GNG4: variants seen among roughly 807,000 people sequenced by gnomAD.
GNG4 encodes the protein G protein subunit gamma 4.
In GNG4, 4 loss-of-function variants were observed where a neutral mutation model predicts 5.8. The observed-to-expected ratio is 0.69, with a 90% CI of 0.34 to 1.57. The LOEUF (loss-of-function observed/expected upper bound fraction) is 1.57, where lower values mean the gene tolerates loss of function less well. GNG4 is among the 40% of genes most tolerant of loss of function. GNG4 has a pLI of 0.06. For missense variants in GNG4, 96 were observed against 95.1 expected, an observed-to-expected ratio of 1.01 and a Z score of -0.04; for synonymous variants, 29 against 32.9, an observed-to-expected ratio of 0.88 and a Z score of 0.41.
chr1:235,599,753 A>G (rs927434408), intron 1 of GNG4, among the ~76,000 whole-genome samples: 12 of 152,194 alleles, frequency 7.9e-5, no homozygotes, highest in African/African-American at 2.4e-4. Context: ...GTCAGTCATA[A>G]CAGTGGTGGA....
chr1:235,570,862 A>ATATATGTGTGTG lies in GNG4; in HGVS notation c.99+12877_99+12878insCACACACATATA, dbSNP rs143958257. ...CATATCCAGCTAATTATATATATAT[A>ATATATGTGTGTG]TGTGTGTGTGTGTGTGTGTATATGT... is the stretch of plus-strand genomic sequence containing the variant. On this transcript the variant is annotated intron_variant, in intron 3 of 3. Coordinates refer to ENST00000391854, the MANE Select transcript of GNG4 (RefSeq NM_001098722.2). 6.7e-3 allele frequency among the ~76,000 whole-genome samples: 954 copies of ATATATGTGTGTG among 141,556 alleles called. 9 individuals are homozygous for ATATATGTGTGTG. Among genetic ancestry groups the ATATATGTGTGTG allele is most frequent in the African/African-American group, 0.021 (787 of 38,016 alleles). 92.9% of individuals were successfully genotyped at this position (141,556 alleles called of 152,430 possible). A position where few individuals can be genotyped will look rare whatever the true frequency, so the allele number is the denominator to read the frequency against.
intron 3 of GNG4, among the ~76,000 whole-genome samples, chr1:235,572,493 CTCT>C (rs1687370709): frequency 8.0e-6 from 1 of 125,344 alleles, no homozygotes; most frequent in African/African-American, 3.5e-5. Flanking sequence ...AGCCACCGTG[CTCT>C]TTTTTTTTTT....
intron 2 of GNG4, among the ~76,000 whole-genome samples, chr1:235,589,720 T>C (rs1397503202): frequency 6.6e-6 from 1 of 152,182 alleles, no homozygotes; most frequent in Non-Finnish European, 1.5e-5. Context: ...GGGAGAAAGC[T>C]CTGTCTTTGG....
chr1:235,561,131 T>C (rs1230189304), intron 3 of GNG4, among the ~76,000 whole-genome samples: 2 of 152,192 alleles, frequency 1.3e-5, no homozygotes, highest in Admixed American at 1.3e-4. Context: ...TGCCTCAGCC[T>C]CCCGAGTAGC....
chr1:235,605,421 C>T (rs564037587), intron 1 of GNG4, among the ~76,000 whole-genome samples: 6 of 152,170 alleles, frequency 3.9e-5, no homozygotes, highest in East Asian at 1.9e-4. Context: ...GTGGTCCGCC[C>T]GCCTTGGCCT....
chr1:235,608,060 C>T (rs1290969361), intron 1 of GNG4, among the ~76,000 whole-genome samples: 4 of 151,880 alleles, frequency 2.6e-5, no homozygotes, highest in African/African-American at 4.8e-5. Flanking sequence ...TCCTGAGCCT[C>T]CTGAGTTGCT....
intron 1 of GNG4, among the ~76,000 whole-genome samples, chr1:235,595,747 G>T (rs556655807): frequency 6.6e-6 from 1 of 152,154 alleles, no homozygotes; most frequent in Non-Finnish European, 1.5e-5. Context: ...AGGCCACCCC[G>T]GGCCTCACCA....
Position 235,642,461 on chromosome 1 carries a change from G to A in GNG4, c.-123+7201C>T, listed in dbSNP as rs578129767. Reference sequence around the variant, plus strand: ...CAAGAGACGGGTGCTAACAGCGTCCGAGCCAATCCGTAAGCATCAGAGGGA... The same window carrying A: ...CAAGAGACGGGTGCTAACAGCGTCCAAGCCAATCCGTAAGCATCAGAGGGA... On this transcript the variant is annotated intron_variant, in intron 1 of 3. Transcript: ENST00000391854. This position sits in a 1 kb window ranked among gnomAD's most constrained non-coding sequence, Gnocchi z 4.3. 8.6e-4 allele frequency among the ~76,000 whole-genome samples: 131 copies of A among 152,290 alleles called. 1 individual carries two copies. The highest frequency in any genetic ancestry group is 3.4e-3 in the Middle Eastern group (1 of 294).
At chr1:235,570,858 A>ATGTGTGTGTG (rs1198419579) in intron 3 of GNG4, among the ~76,000 whole-genome samples, 4 of 53,004 alleles carry the variant, frequency 7.5e-5, no homozygotes, top group African/African-American at 5.5e-4. Flanking sequence ...AATTATATAT[A>ATGTGTGTGTG]TATATGTGTG....
chr1:235,604,199 A>G (rs1688310235), intron 1 of GNG4, among the ~76,000 whole-genome samples: 1 of 152,228 alleles, frequency 6.6e-6, no homozygotes, highest in South Asian at 2.1e-4. Context: ...GTATGGAGGA[A>G]CACAAACCTG....
At chr1:235,629,886 C>T (rs1688897838) in intron 1 of GNG4, among the ~76,000 whole-genome samples, 1 of 152,204 alleles carries the variant, frequency 6.6e-6, no homozygotes, top group Non-Finnish European at 1.5e-5. Flanking sequence ...GCCACCATGC[C>T]TGGCTCAAAG....
chr1:235,638,990 G>T (rs1476888815), intron 1 of GNG4, among the ~76,000 whole-genome samples: 1 of 152,100 alleles, frequency 6.6e-6, no homozygotes, highest in Non-Finnish European at 1.5e-5. Context: ...CTTTATAGTA[G>T]AATTATTTAT....
intron 3 of GNG4, among the ~76,000 whole-genome samples, chr1:235,573,835 T>C (rs1442301980): frequency 1.3e-5 from 2 of 152,056 alleles, no homozygotes; most frequent in Admixed American, 1.3e-4. Flanking sequence ...TGTCTAAGGA[T>C]AGGAGACTGG....
intron 1 of GNG4, among the ~76,000 whole-genome samples, chr1:235,610,490 T>C (rs61834596): frequency 0.034 from 5,242 of 152,340 alleles, 137 homozygotes; most frequent in Non-Finnish European, 0.054. Flanking sequence ...TTTCAATATA[T>C]TCAATTATTG....
In GNG4 at chr1:235,649,436, G is replaced by A. The variant is rs945535612; in HGVS notation, c.-123+226C>T. On this transcript the variant is annotated intron_variant, in intron 1 of 3. Coordinates refer to ENST00000391854, the MANE Select transcript of GNG4 (RefSeq NM_001098722.2). The surrounding 1 kb of genome is among the most constrained non-coding windows in gnomAD (Gnocchi z 5.7). ...CCGAGGGGGCTGTCCACACCCGCGC[G>A]CGGGCTTCCCCGGGGCCCGGCGGGA... 1.3e-5 allele frequency among the ~76,000 whole-genome samples: 2 copies of A among 152,188 alleles called. No individual in the cohort carries two copies. The highest frequency in any genetic ancestry group is 4.8e-5 in the African/African-American group (2 of 41,454).
chr1:235,628,593 C>T (rs1280381180), intron 1 of GNG4, among the ~76,000 whole-genome samples: 1 of 152,174 alleles, frequency 6.6e-6, no homozygotes, highest in Admixed American at 6.5e-5. Context: ...ACCCAGTGGA[C>T]AGATACCTGG....
At chr1:235,574,315 G>A (rs369992212) in intron 3 of GNG4, among the ~76,000 whole-genome samples, 14 of 152,144 alleles carry the variant, frequency 9.2e-5, no homozygotes, top group South Asian at 4.2e-4. Flanking sequence ...AGATTGCAGT[G>A]AGCCAAGGTC....
chr1:235,638,274 C>T (rs1175637827), intron 1 of GNG4, among the ~76,000 whole-genome samples: 1 of 152,140 alleles, frequency 6.6e-6, no homozygotes, highest in African/African-American at 2.4e-5. Flanking sequence ...TCTATTGTGG[C>T]TACAACACAT....
chr1:235,635,324 C>T (rs547966194), intron 1 of GNG4, among the ~76,000 whole-genome samples: 1 of 152,174 alleles, frequency 6.6e-6, no homozygotes, highest in African/African-American at 2.4e-5. Context: ...TGGAGAAACC[C>T]TGTCTCTACT....
Sources: allele counts gnomAD v4.1 joint callset (sites outside exome capture counted in the v4.1 genomes callset), GRCh38; gene constraint gnomAD v4.1.1; non-coding constraint Gnocchi (gnomAD v3.1); transcripts MANE v1.5; gene names NCBI Gene and HGNC (gene_info 2026-07-23, HGNC 2026-07-21).